SH2D5: variants seen among roughly 807,000 people sequenced by gnomAD.
SH2D5 encodes SH2 domain-containing protein 5.
A neutral mutation model predicts 48.2 loss-of-function variants in SH2D5; 45 were observed. The observed-to-expected ratio is 0.93, with a 90% confidence interval of 0.73 to 1.20. The LOEUF is 1.20. Among genes scored for constraint, SH2D5 ranks in the 50% most tolerant of loss-of-function variants. The pLI is 0.00. For missense variants in SH2D5, 538 were observed against 584.1 expected, an observed-to-expected ratio of 0.92 and a Z score of 0.81; for synonymous variants, 230 against 249.8, an observed-to-expected ratio of 0.92 and a Z score of 0.75.
At chr1:20,726,111 G>A (rs1557617916) in intron 4 of SH2D5, 45 bp from the exon 5 acceptor site, 1 of 1,544,800 alleles carries the variant, frequency 6.5e-7, no homozygotes, top group Non-Finnish European at 8.7e-7. Flanking sequence ...CCACCGGGCA[G>A]CCCCACCCCT....
intron 8 of SH2D5, 28 bp downstream of exon 8, chr1:20,723,598 G>T: frequency 6.4e-7 from 1 of 1,563,694 alleles, no homozygotes; most frequent in Non-Finnish European, 8.8e-7. Flanking sequence ...AAGGGACTGG[G>T]CGTCAGGCCA....
In SH2D5 at chr1:20,727,910, C is replaced by G. The variant is rs774614920; in HGVS notation, c.87+48G>C. 3.5e-6 allele frequency: 5 copies of G among 1,408,954 alleles called. No homozygotes were observed. The South Asian group carries it at 6.1e-5, about 17-fold the overall frequency. 87.3% of individuals were successfully genotyped at this position (1,408,954 alleles called of 1,614,324 possible). A position where few individuals can be genotyped will look rare whatever the true frequency, so the allele number is the denominator to read the frequency against. On this transcript the variant is annotated intron_variant, in intron 2 of 9. Coordinates refer to ENST00000444387, the MANE Select transcript of SH2D5 (RefSeq NM_001103161.2). ...CTTCCCAATCACCAGCGCCTGCTAC[C>G]TGAGGGCCACCCACCAGAGCACACC...
chr1:20,727,815 G>C, intron 2 of SH2D5, 143 bp downstream of exon 2: 2 of 855,592 alleles, frequency 2.3e-6, no homozygotes, highest in Admixed American at 4.1e-5. Context: ...GTCCCTCATC[G>C]GGGCACACAC....
chr1:20,727,541 C>G lies in SH2D5; in HGVS notation c.150G>C (p.Gln50His). Residue 50 changes from glutamine to histidine, a missense_variant, in exon 3 of 10, where the codon CAG (glutamine) becomes CAC (histidine). Gln to His is a conservative substitution (Grantham distance 24, BLOSUM62 0). Transcript: ENST00000444387. ...DTQESVWLVQ[Q>H]QLWALKDCPR... ...CACCCACCTTCAGCGCCCACAGCTGCTGCTGCACCAGCCACACGCTCTCCT... is the reference window on the plus strand; with the variant it reads ...CACCCACCTTCAGCGCCCACAGCTGGTGCTGCACCAGCCACACGCTCTCCT... 1.2e-6 allele frequency: 2 copies of G among 1,606,940 alleles called. No individual in the cohort carries two copies. Among genetic ancestry groups the G allele is most frequent in the Non-Finnish European group, 8.5e-7 (1 of 1,177,614 alleles).
At chr1:20,726,756 G>A (rs2054809013) in intron 4 of SH2D5, among the ~76,000 whole-genome samples, 1 of 152,132 alleles carries the variant, frequency 6.6e-6, no homozygotes. Flanking sequence ...CTCAGGTGGG[G>A]AGGTGGCCCC....
At chr1:20,731,672 G>C (rs1222350517) in intron 1 of SH2D5, 2 of 152,638 alleles carry the variant, frequency 1.3e-5, no homozygotes, top group Non-Finnish European at 2.9e-5. Flanking sequence ...CTCGAAACAG[G>C]CGACACGGGA....
At position 20,722,860 on chromosome 1, in the gene SH2D5, G is replaced by C; in HGVS notation, c.964C>G (p.Pro322Ala). 6.2e-7 allele frequency: 1 copy of C among 1,605,494 alleles called. No individual in the cohort carries two copies. The highest frequency in any genetic ancestry group is 8.5e-7 in the Non-Finnish European group (1 of 1,176,496). ...CACTGGCCGCTAGCACCCAGCTCAG[G>C]CCACAGCAGGAAGGCCCCCAGCACG... The part of the protein sequence containing the change: ...RDVLGAFLLW[P>A]ELGASGQWCL... Residue 322 changes from proline to alanine, a missense_variant, in exon 9 of 10, where the codon CCT (proline) becomes GCT (alanine). Physicochemically the swap from Pro to Ala is conservative, Grantham distance 27. Coordinates refer to ENST00000444387, the MANE Select transcript of SH2D5 (RefSeq NM_001103161.2).
At chr1:20,730,840 T>C (rs1008994235) in intron 1 of SH2D5, 1 of 152,352 alleles carries the variant, frequency 6.6e-6, no homozygotes, top group African/African-American at 2.4e-5. Context: ...CTCTGAGGTT[T>C]TCCAGGTGGC....
rs1293748392 is a variant in SH2D5 at position 20,732,624 on chromosome 1, G to A, written c.-486C>T. On this transcript the variant is annotated 5_prime_UTR_variant, in exon 1 of 10. Transcript: ENST00000444387. This position sits in a 1 kb window ranked among gnomAD's most constrained non-coding sequence, Gnocchi z 5.1. Reference sequence around the variant, plus strand: ...GGAGGAGGCGCTCAGGGTGGTTCGGGCCCGGCCCTTGTGAGTGGAGGGTCG... The same window carrying A: ...GGAGGAGGCGCTCAGGGTGGTTCGGACCCGGCCCTTGTGAGTGGAGGGTCG... The A allele has an allele frequency of 1.3e-5, 2 of 152,238 alleles. No homozygotes were observed. Among genetic ancestry groups the A allele is most frequent in the Non-Finnish European group, 2.9e-5 (2 of 68,064 alleles). The allele number at this position is 152,238 out of a possible 1,614,324, so 9.4% of individuals were successfully genotyped here.
rs1374046781 is a variant in SH2D5, at chr1:20,725,923, T to C, written c.387A>G (p.Gly129=). The C allele has an allele frequency of 6.2e-7, 1 of 1,613,092 alleles. No homozygotes were observed. The highest frequency in any genetic ancestry group is 8.5e-7 in the Non-Finnish European group (1 of 1,179,902). ...CCCTGCCTCAAGCCCCAGATACCTC[T>C]CCTGGCTGGCTGCCCACAAAGAGGT... ...FCHLFVGSQP[G]EVQILHLLLC... Residue 129 remains glycine, a synonymous_variant, in exon 5 of 10, where the codon GGA becomes GGG. Transcript: ENST00000444387.
rs2054848316 is a variant in SH2D5, at chr1:20,728,487, G to A, written c.-42-401C>T. 6.6e-6 allele frequency among the ~76,000 whole-genome samples: 1 copy of A among 152,136 alleles called. No homozygotes were observed. The highest frequency in any genetic ancestry group is 6.5e-5 in the Admixed American group (1 of 15,280). On this transcript the variant is annotated intron_variant, in intron 1 of 9. Transcript: ENST00000444387. The surrounding 1 kb of genome is among the most constrained non-coding windows in gnomAD (Gnocchi z 4.3). ...ACTCAAAAACTCAGCAAGCACTGAG[G>A]ATCCTGGTGTTCTGGGCTGGGGCCT...
In SH2D5 at chr1:20,727,547, C is replaced by T. The variant is rs754932406; in HGVS notation, c.144G>A (p.Val48=). The part of the protein sequence containing the change: ...DLDTQESVWL[V]QQQLWALKDC... ...CCTTCAGCGCCCACAGCTGCTGCTG[C>T]ACCAGCCACACGCTCTCCTGGGTGT... The change falls in exon 3 of 10, where the codon GTG becomes GTA. Residue 48 remains valine, a synonymous_variant. Transcript: ENST00000444387. 6.2e-7 allele frequency: 1 copy of T among 1,607,930 alleles called. No homozygotes were observed. The highest frequency in any genetic ancestry group is 8.5e-7 in the Non-Finnish European group (1 of 1,177,942).
rs559412587 is a variant in SH2D5, at chr1:20,721,649, G to A, written c.*143C>T. On this transcript the variant is annotated 3_prime_UTR_variant, in exon 10 of 10. Coordinates refer to ENST00000444387, the MANE Select transcript of SH2D5 (RefSeq NM_001103161.2). ...CCCACCCTCAGGGCTCCCCTCCCAC[G>A]GACAGTGACGCGATGGAAGACTGCT... 77 of 743,160 alleles carry A rather than the reference G, an allele frequency of 1.0e-4. No individual in the cohort carries two copies. Among genetic ancestry groups the A allele is most frequent in the East Asian group, 4.0e-4 (14 of 34,914 alleles). The allele number at this position is 743,160 out of a possible 1,614,324, so 46.0% of individuals were successfully genotyped here.
intron 4 of SH2D5, 69 bp downstream of exon 4, chr1:20,726,932 A>G: frequency 1.5e-6 from 2 of 1,346,886 alleles, no homozygotes; most frequent in Non-Finnish European, 2.0e-6. Context: ...TAGGCAGAGG[A>G]GAGCGCATCC....
intron 5 of SH2D5, among the ~76,000 whole-genome samples, chr1:20,725,627 A>C (rs1456015503): frequency 6.6e-6 from 1 of 152,166 alleles, no homozygotes; most frequent in Admixed American, 6.5e-5. Flanking sequence ...TAGGATGAGA[A>C]GGGGAGGGGA....
At chr1:20,726,681 C>T (rs576771372) in intron 4 of SH2D5, among the ~76,000 whole-genome samples, 31 of 152,250 alleles carry the variant, frequency 2.0e-4, no homozygotes, top group Middle Eastern at 3.4e-3. Flanking sequence ...AAGCTGCCCA[C>T]GGCCCACCAG....
intron 5 of SH2D5, 151 bp from the exon 6 acceptor site, chr1:20,724,786 T>C: frequency 1.0e-6 from 1 of 973,042 alleles, no homozygotes; most frequent in Non-Finnish European, 1.5e-6. Context: ...CTACTTACCC[T>C]TCAAAACCTC....
At chr1:20,722,734 C>T in intron 9 of SH2D5, 22 bp downstream of exon 9, 1 of 1,441,068 alleles carries the variant, frequency 6.9e-7, no homozygotes, top group Non-Finnish European at 9.2e-7. Context: ...GGCCCAGGCC[C>T]CTCTGGCTGC....
rs1285289655 is a variant in SH2D5, at chr1:20,724,029, C to T, written c.799+54G>A. 12 of 1,577,780 alleles carry T rather than the reference C, an allele frequency of 7.6e-6. No individual in the cohort carries two copies. The East Asian group carries it at 1.4e-4, about 18-fold the overall frequency. ...CGCCCACCTCTGGCTGGTCCAGGAGCGCACGGGCACGTGTCCCAGGTACAC... is the reference window on the plus strand; with the variant it reads ...CGCCCACCTCTGGCTGGTCCAGGAGTGCACGGGCACGTGTCCCAGGTACAC... On this transcript the variant is annotated intron_variant, in intron 7 of 9. Transcript: ENST00000444387.
Sources: gnomAD v4.1 joint callset for allele counts (sites outside exome capture counted in the v4.1 genomes callset) on GRCh38, gnomAD v4.1.1 for gene constraint, Gnocchi (gnomAD v3.1) non-coding constraint, MANE v1.5 for transcripts, NCBI Gene and HGNC (gene_info 2026-07-23, HGNC 2026-07-21) for gene names.